The following WWOX variants were observed in gnomAD, a reference collection of about 807,000 sequenced individuals.
The protein encoded by WWOX is WW domain containing oxidoreductase, also known as WW domain-containing oxidoreductase.
A neutral mutation model predicts 46.2 loss-of-function variants in WWOX; 69 were observed. The ratio of observed to expected loss-of-function variants is 1.49; its 90% confidence interval spans 1.23 to 1.82. The LOEUF is 1.82. Among genes scored for constraint, WWOX ranks in the 40% most tolerant of loss-of-function variants. The probability of loss-of-function intolerance (pLI) is 0.00; values close to 1 mark genes in which losing one functional copy is unlikely to be tolerated. For synonymous variants in WWOX, 359 were observed against 202.6 expected, an observed-to-expected ratio of 1.77 and a Z score of -6.56; for missense variants, 919 against 542.6, an observed-to-expected ratio of 1.69 and a Z score of -6.89.
intron 8 of WWOX, among the ~76,000 whole-genome samples, chr16:78,820,803 G>C (rs1406702262): frequency 1.3e-5 from 2 of 152,116 alleles, no homozygotes; most frequent in Non-Finnish European, 2.9e-5. Flanking sequence ...GTTCCTTCTG[G>C]AAGCTATGAG....
intron 8 of WWOX, among the ~76,000 whole-genome samples, chr16:78,646,659 C>T (rs1311478700): frequency 6.6e-6 from 1 of 152,160 alleles, no homozygotes; most frequent in Admixed American, 6.5e-5. Flanking sequence ...AACTCCTGAC[C>T]TCAGGTGATC....
At chr16:78,485,127 G>C (rs901283797) in intron 8 of WWOX, among the ~76,000 whole-genome samples, 2 of 150,414 alleles carry the variant, frequency 1.3e-5, no homozygotes, top group African/African-American at 5.0e-5. Flanking sequence ...ACAGGGTTTA[G>C]GTTTACATGT....
chr16:79,162,809 C>G (rs1029160031), intron 8 of WWOX, among the ~76,000 whole-genome samples: 101 of 152,210 alleles, frequency 6.6e-4, no homozygotes, highest in African/African-American at 2.4e-3. Flanking sequence ...TCAGGTGGAT[C>G]TGGAGGTCCT....
chr16:78,626,397 C>G (rs1251464537), intron 8 of WWOX, among the ~76,000 whole-genome samples: 1 of 152,164 alleles, frequency 6.6e-6, no homozygotes, highest in Admixed American at 6.5e-5. Flanking sequence ...ACCTTGACAG[C>G]TTTGAGGAGT....
rs534185103 is a variant in WWOX at position 79,181,365 on chromosome 16, A to G, written c.1057-30243A>G. Among the ~76,000 whole-genome samples, 3 of 152,200 alleles carry G rather than the reference A, an allele frequency of 2.0e-5. No individual in the cohort carries two copies. In the South Asian group the frequency reaches 6.2e-4, roughly 32 times the overall value. ...TTTATGGGCATTCCATTTCTTTTCA[A>G]TTTTGATATTATTGTTGTTTTAGCC... On this transcript the variant is annotated intron_variant, in intron 8 of 8. Transcript: ENST00000566780.
intron 5 of WWOX, among the ~76,000 whole-genome samples, chr16:78,283,323 C>G (rs2079712485): frequency 6.6e-6 from 1 of 152,172 alleles, no homozygotes; most frequent in Non-Finnish European, 1.5e-5. Flanking sequence ...GCTCCCCACT[C>G]CACACCTCCA....
intron 8 of WWOX, among the ~76,000 whole-genome samples, chr16:79,064,992 C>T (rs564404280): frequency 3.3e-5 from 5 of 152,138 alleles, no homozygotes; most frequent in African/African-American, 7.2e-5. Context: ...TGTGTGTGTG[C>T]GAAGGGTGAA....
At chr16:78,606,252 T>C (rs546564305) in intron 8 of WWOX, among the ~76,000 whole-genome samples, 22 of 152,330 alleles carry the variant, frequency 1.4e-4, no homozygotes, top group Non-Finnish European at 4.4e-5. Context: ...TGTAGTCTCT[T>C]TTTTAATTTG....
intron 8 of WWOX, among the ~76,000 whole-genome samples, chr16:78,877,406 C>A (rs962045856): frequency 2.0e-5 from 3 of 152,090 alleles, no homozygotes; most frequent in Non-Finnish European, 4.4e-5. Context: ...TTTGCTGCTC[C>A]TTCTGCCTGG....
At chr16:78,400,241 C>T (rs1039053626) in intron 6 of WWOX, among the ~76,000 whole-genome samples, 1 of 152,136 alleles carries the variant, frequency 6.6e-6, no homozygotes, top group East Asian at 1.9e-4. Flanking sequence ...GAAAAGGTCT[C>T]TGTTTGTCTC....
At chr16:79,132,006 G>A (rs538212414) in intron 8 of WWOX, among the ~76,000 whole-genome samples, 2 of 152,182 alleles carry the variant, frequency 1.3e-5, no homozygotes, top group East Asian at 3.9e-4. Context: ...CCACCCCCAT[G>A]ATTCAGTTGT....
chr16:78,635,507 G>A (rs954576605), intron 8 of WWOX, among the ~76,000 whole-genome samples: 1 of 152,112 alleles, frequency 6.6e-6, no homozygotes, highest in African/African-American at 2.4e-5. Context: ...TATCCTGGCT[G>A]GGCCACTTAC....
At chr16:78,929,270 T>G (rs1224195459) in intron 8 of WWOX, among the ~76,000 whole-genome samples, 2 of 152,130 alleles carry the variant, frequency 1.3e-5, no homozygotes, top group Admixed American at 6.5e-5. Flanking sequence ...TTTTTTGTAT[T>G]TAAGTTTCCT....
At chr16:79,090,358 T>A (rs1264273440) in intron 8 of WWOX, among the ~76,000 whole-genome samples, 1 of 151,846 alleles carries the variant, frequency 6.6e-6, no homozygotes, top group African/African-American at 2.4e-5. Flanking sequence ...CCATGCTCAG[T>A]ATATAGTTAT....
At chr16:78,200,011 G>T (rs1001308564) in intron 5 of WWOX, among the ~76,000 whole-genome samples, 1 of 152,234 alleles carries the variant, frequency 6.6e-6, no homozygotes, top group African/African-American at 2.4e-5. Flanking sequence ...CAAGGACCTG[G>T]TAGTCAATGT....
chr16:78,458,197 T>G (rs567909554), intron 8 of WWOX, among the ~76,000 whole-genome samples: 45 of 152,170 alleles, frequency 3.0e-4, no homozygotes, highest in Middle Eastern at 3.4e-3. Context: ...TACATACTGT[T>G]TTATTATATA....
intron 8 of WWOX, among the ~76,000 whole-genome samples, chr16:78,631,423 C>T (rs189923724): frequency 3.9e-4 from 59 of 152,088 alleles, no homozygotes; most frequent in Non-Finnish European, 5.0e-4. Context: ...TGGCAAACTG[C>T]GGAAGAATTA....
intron 8 of WWOX, among the ~76,000 whole-genome samples, chr16:78,714,952 T>C (rs907257768): frequency 1.3e-5 from 2 of 152,116 alleles, no homozygotes; most frequent in Non-Finnish European, 2.9e-5. Flanking sequence ...TGATATAATA[T>C]CATGCGGCTG....
At chr16:78,394,753 G>T (rs1244529568) in intron 6 of WWOX, among the ~76,000 whole-genome samples, 3 of 152,188 alleles carry the variant, frequency 2.0e-5, no homozygotes, top group African/African-American at 7.2e-5. Context: ...TCATGGCAGT[G>T]TTGCAATAAA....
Sources: allele counts gnomAD v4.1 joint callset (sites outside exome capture counted in the v4.1 genomes callset), GRCh38; gene constraint gnomAD v4.1.1; transcripts MANE v1.5; gene names NCBI Gene and HGNC (gene_info 2026-07-23, HGNC 2026-07-21).